Variants in FCHSD1 observed in about 807,000 individuals in gnomAD.
FCHSD1 encodes F-BAR and double SH3 domains protein 1.
In FCHSD1, 109 loss-of-function variants were observed where a neutral mutation model predicts 101.3. That is an observed-to-expected ratio of 1.08 (90% CI 0.92 to 1.26). FCHSD1 has a LOEUF of 1.26. Among genes scored for constraint, FCHSD1 ranks in the 50% most tolerant of loss-of-function variants. The pLI is 0.00. For missense variants in FCHSD1, 820 were observed against 895.8 expected, an observed-to-expected ratio of 0.92 and a Z score of 1.08; for synonymous variants, 291 against 356.8, an observed-to-expected ratio of 0.82 and a Z score of 2.08.
Position 141,649,239 on chromosome 5 carries a change from T to TCCGACTTCGGCTCAGCTC in FCHSD1, c.427_444dup (p.Glu143_Arg148dup), listed in dbSNP as rs1180610043. 1 of 1,613,970 alleles carries TCCGACTTCGGCTCAGCTC rather than the reference T, an allele frequency of 6.2e-7. No homozygotes were observed. Among genetic ancestry groups the TCCGACTTCGGCTCAGCTC allele is most frequent in the Non-Finnish European group, 8.5e-7 (1 of 1,179,886 alleles). ...ACACGTTCCCGCTGCCCATACAGCT[T>TCCGACTTCGGCTCAGCTC]CCGACTTCGGCTCAGCTCCCGGACA... is the stretch of plus-strand genomic sequence containing the variant. On this transcript the variant is annotated inframe_insertion, in exon 6 of 20. Transcript: ENST00000435817. The surrounding 1 kb of genome is among the most constrained non-coding windows in gnomAD (Gnocchi z 4.1).
chr5:141,649,818 A>G lies in FCHSD1; in HGVS notation c.233+69T>C. On this transcript the variant is annotated intron_variant, in intron 4 of 19. Coordinates refer to ENST00000435817, the MANE Select transcript of FCHSD1 (RefSeq NM_033449.3). The surrounding 1 kb of genome is among the most constrained non-coding windows in gnomAD (Gnocchi z 4.1). The stretch of plus-strand genomic sequence containing the variant: ...CCCCACTTGCTAGGCCTTCATCCCC[A>G]CAGGTTCCTGGGGCTGAGCTCCCCA... 1.3e-6 allele frequency: 2 copies of G among 1,509,140 alleles called. No homozygotes were observed. The highest frequency in any genetic ancestry group is 4.8e-5 in the Admixed American group (2 of 41,512). 93.5% of individuals were successfully genotyped at this position (1,509,140 alleles called of 1,614,324 possible).
In FCHSD1 at chr5:141,639,608, C is replaced by T; in HGVS notation, c.*1890G>A. 5 of 1,613,390 alleles carry T rather than the reference C, an allele frequency of 3.1e-6. No individual in the cohort carries two copies. The highest frequency in any genetic ancestry group is 4.2e-6 in the Non-Finnish European group (5 of 1,179,908). ...AGGGACGCTCCAAGGAAGGAAAAAG[C>T]CGCCCCCGGACAGGGGAGACCACTG... On this transcript the variant is annotated 3_prime_UTR_variant, in exon 20 of 20. Coordinates refer to ENST00000435817, the MANE Select transcript of FCHSD1 (RefSeq NM_033449.3). This position sits in a 1 kb window ranked among gnomAD's most constrained non-coding sequence, Gnocchi z 4.4.
In FCHSD1 at chr5:141,641,679, T is replaced by G. The variant is rs776916941; in HGVS notation, c.2007+23A>C. On this transcript the variant is annotated intron_variant, in intron 19 of 19. Transcript: ENST00000435817. The stretch of plus-strand genomic sequence containing the variant: ...TGGAATAACCCCTCTACATACAATC[T>G]CCTCCAAGGCAAGGGCCCTTACCGG... 3.7e-6 allele frequency: 6 copies of G among 1,613,536 alleles called. No homozygotes were observed. In the African/African-American group the frequency reaches 6.7e-5, roughly 18 times the overall value.
In FCHSD1 at chr5:141,646,612, A is replaced by G. The variant is rs1234239815; in HGVS notation, c.1035T>C (p.His345=). The change falls in exon 11 of 20, where the codon CAT becomes CAC. Residue 345 remains histidine, a synonymous_variant. Transcript: ENST00000435817. ...RAARDYKIQN[H]GHRVLQRLEQ... is the part of the protein sequence containing the mutation. ...TGCCCCCCCACCTCACCCGATGCCC[A>G]TGGTTCTGGATCTTGTAGTCACGGG... 1.2e-6 allele frequency: 2 copies of G among 1,612,624 alleles called. No homozygotes were observed. Among genetic ancestry groups the G allele is most frequent in the South Asian group, 2.2e-5 (2 of 90,838 alleles).
chr5:141,647,820 G>A lies in FCHSD1; in HGVS notation c.705+148C>T, dbSNP rs550299156. 2.3e-5 allele frequency: 28 copies of A among 1,216,206 alleles called. No homozygotes were observed. In the East Asian group the frequency reaches 6.4e-4, roughly 28 times the overall value. The allele number at this position is 1,216,206 out of a possible 1,614,324, so 75.3% of individuals were successfully genotyped here. ...TACAATGCCATGCAGCCAGCTAGGA[G>A]CAGAACCAGAGTGCATGTATGTATC... is the stretch of plus-strand genomic sequence containing the variant. On this transcript the variant is annotated intron_variant, in intron 8 of 19. Coordinates refer to ENST00000435817, the MANE Select transcript of FCHSD1 (RefSeq NM_033449.3).
At chr5:141,647,770 G>C in intron 8 of FCHSD1, 198 bp downstream of exon 8, 2 of 970,028 alleles carry the variant, frequency 2.1e-6, no homozygotes, top group South Asian at 3.5e-5. Flanking sequence ...AGGAATCTGG[G>C]GTTCGGAAGA....
Position 141,641,281 on chromosome 5 carries a change from G to GGTA in FCHSD1, c.*214_*216dup, listed in dbSNP as rs1160948. 0.22 allele frequency: 104,888 copies of GGTA among 469,502 alleles called. 13,442 individuals carry two copies. The highest frequency in any genetic ancestry group is 0.4 in the African/African-American group (20,308 of 51,194). 29.1% of individuals were successfully genotyped at this position (469,502 alleles called of 1,614,324 possible). A position where few individuals can be genotyped will look rare whatever the true frequency, so the allele number is the denominator to read the frequency against. The stretch of plus-strand genomic sequence containing the variant: ...TAGATAGGGTCATGACAGAAGAGAA[G>GGTA]GTAGTTCCGGTCCTAGAGATGATAG... On this transcript the variant is annotated 3_prime_UTR_variant, in exon 20 of 20. Coordinates refer to ENST00000435817, the MANE Select transcript of FCHSD1 (RefSeq NM_033449.3).
rs1312471619 is a variant in FCHSD1 at position 141,641,125 on chromosome 5, C to G, written c.*373G>C. 1 of 312,504 alleles carries G rather than the reference C, an allele frequency of 3.2e-6. No homozygotes were observed. Among genetic ancestry groups the G allele is most frequent in the East Asian group, 5.4e-5 (1 of 18,608 alleles). 19.4% of individuals were successfully genotyped at this position (312,504 alleles called of 1,614,324 possible). On this transcript the variant is annotated 3_prime_UTR_variant, in exon 20 of 20. Transcript: ENST00000435817. ...CCAAGGCCTGTTCCTCTCCCCAGCC[C>G]AACCCCAGTGACCCTGGCATCCAGA...
At position 141,649,545 on chromosome 5, in the gene FCHSD1, A is replaced by G. The variant is rs774356587; in HGVS notation, c.234-9T>C. 6.2e-7 allele frequency: 1 copy of G among 1,609,710 alleles called. No homozygotes were observed. The highest frequency in any genetic ancestry group is 1.1e-5 in the South Asian group (1 of 90,756). ...CGAACACTGTCCTGCCCCTCCCCAG[A>G]GAAGGTCTGTGTTGAGGAGGAGAGC... On this transcript the variant is annotated splice_polypyrimidine_tract_variant and intron_variant, in intron 4 of 19. Coordinates refer to ENST00000435817, the MANE Select transcript of FCHSD1 (RefSeq NM_033449.3). This position sits in a 1 kb window ranked among gnomAD's most constrained non-coding sequence, Gnocchi z 4.1.
At chr5:141,648,186 C>T in intron 7 of FCHSD1, 90 bp from the exon 8 acceptor site, 1 of 1,466,984 alleles carries the variant, frequency 6.8e-7, no homozygotes, top group East Asian at 2.3e-5. Flanking sequence ...AATGGATTCT[C>T]ACATTATTGA....
intron 17 of FCHSD1, among the ~76,000 whole-genome samples, chr5:141,643,506 T>A (rs2099907240): frequency 6.6e-6 from 1 of 152,240 alleles, no homozygotes; most frequent in Non-Finnish European, 1.5e-5. Context: ...ATATACATTA[T>A]AACAACAGAT....
At position 141,649,406 on chromosome 5, in the gene FCHSD1, C is replaced by A. The variant is rs776161088; in HGVS notation, c.364G>T (p.Val122Leu). ...GGTGRSAKEQVLRKGTENLQR... is the reference protein window; with the variant it reads ...GGTGRSAKEQLLRKGTENLQR... ...CCTCTGAGCCATACCTTCCTAAGCA[C>A]CTGCTCCTTGGCGCTCCGCCCTGTA... is the stretch of plus-strand genomic sequence containing the variant. The change falls in exon 5 of 20, where the codon GTG (valine) becomes TTG (leucine). Residue 122 changes from valine to leucine, a missense_variant. By Grantham distance (32) the Val-to-Leu change is conservative. Transcript: ENST00000435817. This position sits in a 1 kb window ranked among gnomAD's most constrained non-coding sequence, Gnocchi z 4.1. The A allele has an allele frequency of 1.2e-6, 2 of 1,614,028 alleles. No individual in the cohort carries two copies. The highest frequency in any genetic ancestry group is 1.7e-5 in the Admixed American group (1 of 60,022).
chr5:141,649,052 C>T lies in FCHSD1; in HGVS notation c.513-32G>A, dbSNP rs2099908029. The T allele has an allele frequency of 1.9e-6, 3 of 1,613,810 alleles. No individual in the cohort carries two copies. The highest frequency in any genetic ancestry group is 1.6e-4 in the Middle Eastern group (1 of 6,084). ...AGATGAGAGAAAGGAGTCAGGCCCACCCCAAGTGGGAGAATATGAGATCAG... is the reference window on the plus strand; with the variant it reads ...AGATGAGAGAAAGGAGTCAGGCCCATCCCAAGTGGGAGAATATGAGATCAG... On this transcript the variant is annotated intron_variant, in intron 6 of 19. Transcript: ENST00000435817. The surrounding 1 kb of genome is among the most constrained non-coding windows in gnomAD (Gnocchi z 4.1).
chr5:141,640,798 GCA>G lies in FCHSD1; in HGVS notation c.*698_*699del, dbSNP rs1264106682. On this transcript the variant is annotated 3_prime_UTR_variant, in exon 20 of 20. Transcript: ENST00000435817. ...ACCAGCTCTACTTCCACCTGGAGTT[GCA>G]CAGTCTCAGGCTGGGGGCCTCAGGA... 4.4e-6 allele frequency: 4 copies of G among 902,734 alleles called. No homozygotes were observed. The highest frequency in any genetic ancestry group is 3.4e-5 in the African/African-American group (2 of 59,524). The allele number at this position is 902,734 out of a possible 1,614,324, so 55.9% of individuals were successfully genotyped here.
intron 2 of FCHSD1, 21 bp downstream of exon 2, chr5:141,650,999 G>T: frequency 6.4e-7 from 1 of 1,562,162 alleles, no homozygotes; most frequent in Non-Finnish European, 8.7e-7. Context: ...GAGTGTAAAT[G>T]AAGGGGGTTG....
At position 141,649,260 on chromosome 5, in the gene FCHSD1, G is replaced by C; in HGVS notation, c.424C>G (p.Arg142Gly). 2 of 1,613,966 alleles carry C rather than the reference G, an allele frequency of 1.2e-6. No homozygotes were observed. The highest frequency in any genetic ancestry group is 1.7e-6 in the Non-Finnish European group (2 of 1,179,890). ...RAQAEVLQSVRELSRSRKLYG... is the reference protein window; with the variant it reads ...RAQAEVLQSVGELSRSRKLYG... ...AGCTTCCGACTTCGGCTCAGCTCCCGGACAGACTGCAGCACCTCAGCCTGC... is the reference window on the plus strand; with the variant it reads ...AGCTTCCGACTTCGGCTCAGCTCCCCGACAGACTGCAGCACCTCAGCCTGC... Residue 142 changes from arginine (R) to glycine (G), a missense_variant, in exon 6 of 20, where the codon CGG (arginine) becomes GGG (glycine). Coordinates refer to ENST00000435817, the MANE Select transcript of FCHSD1 (RefSeq NM_033449.3). This position sits in a 1 kb window ranked among gnomAD's most constrained non-coding sequence, Gnocchi z 4.1.
Position 141,640,302 on chromosome 5 carries a change from A to G in FCHSD1, c.*1196T>C. On this transcript the variant is annotated 3_prime_UTR_variant, in exon 20 of 20. Transcript: ENST00000435817. ...AGACACTTCTGATCACCAGGTAGGA[A>G]AACACAGCCGGGACTGCACTGGGCT... The G allele has an allele frequency of 6.2e-7, 1 of 1,613,796 alleles. No individual in the cohort carries two copies. Among genetic ancestry groups the G allele is most frequent in the Non-Finnish European group, 8.5e-7 (1 of 1,179,828 alleles).
In FCHSD1 at chr5:141,640,003, G is replaced by A. The variant is rs750295136; in HGVS notation, c.*1495C>T. On this transcript the variant is annotated 3_prime_UTR_variant, in exon 20 of 20. Transcript: ENST00000435817. Reference sequence around the variant, plus strand: ...CCCACAGACAGGAGCTGGGGCTCTGGTGGGGGACAGGACCCAGGGGGTGGT... The same window carrying A: ...CCCACAGACAGGAGCTGGGGCTCTGATGGGGGACAGGACCCAGGGGGTGGT... The A allele has an allele frequency of 3.1e-6, 5 of 1,613,706 alleles. No individual in the cohort carries two copies. In the Admixed American group the frequency reaches 5.0e-5, roughly 16 times the overall value.
In FCHSD1 at chr5:141,640,198, A is replaced by C; in HGVS notation, c.*1300T>G. 2 of 1,614,178 alleles carry C rather than the reference A, an allele frequency of 1.2e-6. No homozygotes were observed. The highest frequency in any genetic ancestry group is 1.7e-6 in the Non-Finnish European group (2 of 1,180,000). On this transcript the variant is annotated 3_prime_UTR_variant, in exon 20 of 20. Coordinates refer to ENST00000435817, the MANE Select transcript of FCHSD1 (RefSeq NM_033449.3). ...GAAGGGAACCCCAGAGCTTCTGCAGAGCCAACACTGAGGGCCGGAGGGAGG... is the reference window on the plus strand; with the variant it reads ...GAAGGGAACCCCAGAGCTTCTGCAGCGCCAACACTGAGGGCCGGAGGGAGG...
Sources: gnomAD v4.1 joint callset for allele counts (sites outside exome capture counted in the v4.1 genomes callset) on GRCh38, gnomAD v4.1.1 for gene constraint, Gnocchi (gnomAD v3.1) non-coding constraint, MANE v1.5 for transcripts, NCBI Gene and HGNC (gene_info 2026-07-23, HGNC 2026-07-21) for gene names.